PLCZ1: variants seen among roughly 807,000 people sequenced by gnomAD.
PLCZ1 encodes the protein phospholipase C zeta 1.
A neutral mutation model predicts 76.8 loss-of-function variants in PLCZ1; 64 were observed. The observed-to-expected ratio is 0.83, with a 90% CI of 0.68 to 1.03. The LOEUF is 1.03. Ranked by LOEUF, PLCZ1 falls within the 50% of genes least tolerant of loss-of-function variation. PLCZ1 has a pLI of 0.00. For synonymous variants in PLCZ1, 248 were observed against 230.8 expected, an observed-to-expected ratio of 1.07 and a Z score of -0.68; for missense variants, 751 against 713.7, an observed-to-expected ratio of 1.05 and a Z score of -0.60.
chr12:18,648,790 G>C, the PLCZ1 span, among the ~76,000 whole-genome samples: 1 of 152,018 alleles, frequency 6.6e-6, no homozygotes, highest in Admixed American at 6.6e-5. Flanking sequence ...CATTACCAGG[G>C]CAAACAATCC....
At chr12:18,669,639 G>C in the PLCZ1 span, among the ~76,000 whole-genome samples, 2 of 151,848 alleles carry the variant, frequency 1.3e-5, no homozygotes, top group Non-Finnish European at 2.9e-5. Flanking sequence ...ATGGCAGAGA[G>C]AGGAAGCTCT....
the PLCZ1 span, among the ~76,000 whole-genome samples, chr12:18,665,926 C>T: frequency 7.3e-6 from 1 of 136,330 alleles, no homozygotes; most frequent in East Asian, 2.1e-4. Context: ...CAGAGATAGA[C>T]TCCATCTCAA....
At chr12:18,729,353 TAG>T (rs1453237719) in intron 3 of PLCZ1, among the ~76,000 whole-genome samples, 3 of 152,096 alleles carry the variant, frequency 2.0e-5, no homozygotes, top group Non-Finnish European at 4.4e-5. Context: ...CCAAACTAAA[TAG>T]AGTCTCTTCT....
the PLCZ1 span, among the ~76,000 whole-genome samples, chr12:18,649,379 T>C: frequency 1.3e-5 from 2 of 152,128 alleles, no homozygotes; most frequent in African/African-American, 4.8e-5. Flanking sequence ...TTTGATCCCA[T>C]CTCCTCTGAC....
At chr12:18,661,024 C>G in the PLCZ1 span, among the ~76,000 whole-genome samples, 2 of 152,176 alleles carry the variant, frequency 1.3e-5, no homozygotes, top group East Asian at 3.9e-4. Context: ...GACAAAAATT[C>G]ACTAGAAGAA....
At chr12:18,708,091 T>C (rs1307497972) in intron 6 of PLCZ1, among the ~76,000 whole-genome samples, 1 of 152,216 alleles carries the variant, frequency 6.6e-6, no homozygotes, top group Non-Finnish European at 1.5e-5. Flanking sequence ...AATCCTCATA[T>C]GATACATTAG....
At chr12:18,711,328 G>A (rs1047721978) in intron 6 of PLCZ1, among the ~76,000 whole-genome samples, 11 of 130,600 alleles carry the variant, frequency 8.4e-5, no homozygotes, top group Non-Finnish European at 9.3e-5. Context: ...GGTGGGAATT[G>A]AACAATGAGA....
At chr12:18,722,804 C>A (rs182794521) in intron 4 of PLCZ1, among the ~76,000 whole-genome samples, 4 of 151,744 alleles carry the variant, frequency 2.6e-5, no homozygotes, top group Non-Finnish European at 5.9e-5. Flanking sequence ...TATATATTTA[C>A]GAAATGTTGT....
intron 4 of PLCZ1, among the ~76,000 whole-genome samples, chr12:18,721,003 G>T (rs1259034673): frequency 1.3e-5 from 2 of 151,950 alleles, no homozygotes; most frequent in African/African-American, 4.8e-5. Flanking sequence ...AATTTTTATA[G>T]GTATACAAAC....
intron 10 of PLCZ1, among the ~76,000 whole-genome samples, chr12:18,696,513 ATCAT>A (rs199932616): frequency 0.013 from 1,993 of 151,534 alleles, 24 homozygotes; most frequent in Non-Finnish European, 0.019. Context: ...ATGTACACTG[ATCAT>A]TCAAGGAAAA....
chr12:18,737,096 TAA>T (rs1162848023), intron 2 of PLCZ1, among the ~76,000 whole-genome samples: 1 of 152,176 alleles, frequency 6.6e-6, no homozygotes, highest in African/African-American at 2.4e-5. Context: ...GCAAAACTAC[TAA>T]GTTTCAGATT....
chr12:18,685,846 GCACACA>G (rs3055342), intron 13 of PLCZ1, among the ~76,000 whole-genome samples: 46 of 109,252 alleles, frequency 4.2e-4, no homozygotes, highest in African/African-American at 1.5e-3. Context: ...ACACACACGC[GCACACA>G]CACACACACA....
At chr12:18,671,187 T>TA in the PLCZ1 span, among the ~76,000 whole-genome samples, 72,197 of 133,882 alleles carry the variant, frequency 0.54, 19,397 homozygotes, top group South Asian at 0.64. Flanking sequence ...AGACTCCATC[T>TA]AAAAAAAAAA....
chr12:18,661,136 G>C, the PLCZ1 span, among the ~76,000 whole-genome samples: 1 of 152,014 alleles, frequency 6.6e-6, no homozygotes, highest in Non-Finnish European at 1.5e-5. Context: ...TTTAAGAAAA[G>C]TGAACAGAGC....
At chr12:18,721,032 TA>T (rs1255541879) in intron 4 of PLCZ1, among the ~76,000 whole-genome samples, 10 of 152,082 alleles carry the variant, frequency 6.6e-5, no homozygotes, top group Non-Finnish European at 1.2e-4. Context: ...TCAAGCCATA[TA>T]AATTTAGGAA....
chr12:18,668,661 T>C, the PLCZ1 span, among the ~76,000 whole-genome samples: 2 of 152,228 alleles, frequency 1.3e-5, no homozygotes, highest in Admixed American at 1.3e-4. Context: ...TAGAGCAAAG[T>C]GCTGCTCACT....
intron 4 of PLCZ1, among the ~76,000 whole-genome samples, chr12:18,720,708 G>C (rs567812218): frequency 6.6e-6 from 1 of 152,124 alleles, no homozygotes; most frequent in East Asian, 1.9e-4. Flanking sequence ...ATCTTTGGCA[G>C]AGAATTTTAT....
At chr12:18,699,701 T>C (rs1399214368) in intron 10 of PLCZ1, 93 bp downstream of exon 10, 3 of 1,300,130 alleles carry the variant, frequency 2.3e-6, no homozygotes, top group Middle Eastern at 2.0e-4. Context: ...TATGAGAATA[T>C]ACATTTTATA....
At chr12:18,652,364 G>T in the PLCZ1 span, among the ~76,000 whole-genome samples, 1 of 152,054 alleles carries the variant, frequency 6.6e-6, no homozygotes, top group Non-Finnish European at 1.5e-5. Context: ...TTAGAGTGAT[G>T]CATCTACAAG....
Sources: gnomAD v4.1 joint callset for allele counts (sites outside exome capture counted in the v4.1 genomes callset) on GRCh38, gnomAD v4.1.1 for gene constraint, MANE v1.5 for transcripts, NCBI Gene and HGNC (gene_info 2026-07-23, HGNC 2026-07-21) for gene names.